Variants in C5 observed in about 807,000 individuals in gnomAD.
C5 encodes the protein complement C5, also known as C3 and PZP-like alpha-2-macroglobulin domain-containing protein 4.
Under a neutral mutation model 218.8 loss-of-function variants are expected in C5, and 140 were observed. That is an observed-to-expected ratio of 0.64 (90% CI 0.56 to 0.74). The LOEUF (loss-of-function observed/expected upper bound fraction) is 0.74, where lower values mean the gene tolerates loss of function less well. Ranked by LOEUF, C5 falls within the 30% of genes least tolerant of loss-of-function variation. The pLI is 0.00. For synonymous variants in C5, 614 were observed against 682.3 expected (o/e 0.90, Z 1.56); for missense variants, 1,700 against 1,969.6 (o/e 0.86, Z 2.59).
At chr9:121,057,512 G>T in the C5 span, among the ~76,000 whole-genome samples, 3 of 151,652 alleles carry the variant, frequency 2.0e-5, no homozygotes, top group African/African-American at 7.3e-5. Context: ...TTCTCTGCTT[G>T]TTTTTAAAAA....
chr9:121,036,863 T>A (rs1431570024), intron 4 of C5, among the ~76,000 whole-genome samples: 1 of 152,086 alleles, frequency 6.6e-6, no homozygotes, highest in Admixed American at 6.6e-5. Context: ...TTCTGATAAG[T>A]TTTTATTTTT....
intron 18 of C5, 77 bp downstream of exon 18, chr9:121,008,331 G>A: frequency 2.0e-6 from 2 of 980,590 alleles, no homozygotes; most frequent in Non-Finnish European, 3.3e-6. Context: ...TTGGGAAATG[G>A]GTAGTTTCTA....
intron 28 of C5, among the ~76,000 whole-genome samples, chr9:120,977,437 C>T (rs2046961788): frequency 6.6e-6 from 1 of 152,148 alleles, no homozygotes; most frequent in African/African-American, 2.4e-5. Context: ...AGATCAGGAA[C>T]ACTCAACCTA....
At chr9:121,012,275 G>GA (rs571234735) in intron 17 of C5, among the ~76,000 whole-genome samples, 4 of 151,330 alleles carry the variant, frequency 2.6e-5, no homozygotes, top group Non-Finnish European at 4.4e-5. Context: ...AAAATTAAGA[G>GA]AAAAAAAAGC....
rs747985431 is a variant in C5 at position 120,982,666 on chromosome 9, T to C, written c.3379A>G (p.Ile1127Val). ...TTTGGTTTCCTTACCTGTAATTTTA[T>C]TGGTTGATACTGTGAATTTTCCTTG... ...SFKENSQYQP[I>V]KLQGTLPVEA... Residue 1127 changes from isoleucine (I) to valine (V), a missense_variant, in exon 26 of 41, where the codon ATA becomes GTA. Physicochemically the swap from Ile to Val is conservative, Grantham distance 29. Transcript: ENST00000223642. The C allele has an allele frequency of 2.5e-6, 4 of 1,605,694 alleles. No homozygotes were observed. In the South Asian group the frequency reaches 4.4e-5, roughly 18 times the overall value.
chr9:120,982,380 G>T (rs188035343), intron 26 of C5, among the ~76,000 whole-genome samples: 1 of 152,252 alleles, frequency 6.6e-6, no homozygotes, highest in East Asian at 1.9e-4. Flanking sequence ...TAAGCCCTGG[G>T]TCTATCTCGC....
At chr9:121,038,206 A>G (rs2047546443) in intron 3 of C5, among the ~76,000 whole-genome samples, 2 of 152,232 alleles carry the variant, frequency 1.3e-5, no homozygotes, top group South Asian at 4.1e-4. Flanking sequence ...CTTTCTTAAA[A>G]TACATTTACC....
chr9:120,975,791 G>GT (rs1464186905), intron 29 of C5, among the ~76,000 whole-genome samples: 8 of 152,100 alleles, frequency 5.3e-5, no homozygotes, highest in African/African-American at 1.4e-4. Context: ...CCAGTGTGTC[G>GT]TTTTTTCTGT....
At chr9:120,957,837 A>C (rs2131663536) in intron 38 of C5, among the ~76,000 whole-genome samples, 1 of 152,214 alleles carries the variant, frequency 6.6e-6, no homozygotes, top group East Asian at 1.9e-4. Context: ...ACTGGCTTTA[A>C]TCCTTGGTTT....
intron 25 of C5, among the ~76,000 whole-genome samples, chr9:120,983,146 A>G (rs1052886838): frequency 6.6e-6 from 1 of 152,246 alleles, no homozygotes; most frequent in Admixed American, 6.5e-5. Flanking sequence ...ACCTATGAAC[A>G]TGAGACATGA....
chr9:120,963,098 T>C, intron 34 of C5, 131 bp from the exon 35 acceptor site: 1 of 777,372 alleles, frequency 1.3e-6, no homozygotes, highest in Admixed American at 1.9e-5. Flanking sequence ...GCAGTTCCTC[T>C]TCTTGAAAAA....
the C5 span, among the ~76,000 whole-genome samples, chr9:121,061,694 T>C: frequency 0.9 from 137,321 of 152,298 alleles, 62,425 homozygotes; most frequent in East Asian, 1. Flanking sequence ...TCATATTGTG[T>C]ACCAGTTTAA....
At chr9:121,040,716 C>T (rs1291871239) in intron 3 of C5, among the ~76,000 whole-genome samples, 2 of 152,084 alleles carry the variant, frequency 1.3e-5, no homozygotes, top group East Asian at 1.9e-4. Flanking sequence ...ATTATTATCT[C>T]TATTTTACAA....
the C5 span, chr9:121,074,682 G>T: frequency 2.6e-6 from 1 of 390,836 alleles, no homozygotes; most frequent in Non-Finnish European, 5.1e-6. Context: ...TTGTCTCAGC[G>T]AAGGCCACAG....
chr9:121,038,129 A>C (rs1229349918), intron 3 of C5, among the ~76,000 whole-genome samples, 178 bp from the exon 4 acceptor site: 1 of 152,210 alleles, frequency 6.6e-6, no homozygotes, highest in Non-Finnish European at 1.5e-5. Context: ...AGATTCTCTT[A>C]TTTAAGAGAA....
In C5 at chr9:121,020,113, A is replaced by T; in HGVS notation, c.1369T>A (p.Tyr457Asn). Residue 457 changes from tyrosine (Y) to asparagine (N), a missense_variant, in exon 12 of 41, where the codon TAC becomes AAC. Tyr to Asn is a moderately radical substitution (Grantham distance 143). Coordinates refer to ENST00000223642, the MANE Select transcript of C5 (RefSeq NM_001735.3). ...AGGTAACTTTGGCTGAGAGATGAGT[A>T]TGCTATTGCTCGGTAACCTTCCCTG... ...QAREGYRAIA[Y>N]SSLSQSYLYI... 6.2e-7 allele frequency: 1 copy of T among 1,613,982 alleles called. No individual in the cohort carries two copies. The highest frequency in any genetic ancestry group is 8.5e-7 in the Non-Finnish European group (1 of 1,179,854).
intron 20 of C5, among the ~76,000 whole-genome samples, chr9:121,002,288 A>G (rs1470450340): frequency 0.015 from 1,630 of 110,768 alleles, 71 homozygotes; most frequent in Middle Eastern, 0.034. Context: ...ATACGTATAT[A>G]TGTATATATG....
Position 120,952,568 on chromosome 9 carries a change from A to T in C5, c.*171T>A. On this transcript the variant is annotated 3_prime_UTR_variant, in exon 41 of 41. Transcript: ENST00000223642. The stretch of plus-strand genomic sequence containing the variant: ...CAAGGCCATGTTATTTCAGAAAGTT[A>T]CAGCATTTGAAATCATTCTCTAATA... The T allele has an allele frequency of 1.6e-6, 1 of 607,280 alleles. No homozygotes were observed. Among genetic ancestry groups the T allele is most frequent in the Non-Finnish European group, 2.8e-6 (1 of 353,304 alleles). The allele number at this position is 607,280 out of a possible 1,614,324, so 37.6% of individuals were successfully genotyped here.
chr9:121,046,153 G>T, intron 2 of C5, 38 bp downstream of exon 2: 1 of 1,028,808 alleles, frequency 9.7e-7, no homozygotes, highest in Non-Finnish European at 1.5e-6. Context: ...AGAATATTCT[G>T]TATATATATA....
Sources: allele counts gnomAD v4.1 joint callset (sites outside exome capture counted in the v4.1 genomes callset), GRCh38; gene constraint gnomAD v4.1.1; transcripts MANE v1.5; gene names NCBI Gene and HGNC (gene_info 2026-07-23, HGNC 2026-07-21).